CSNK1G2: variants seen among roughly 807,000 people sequenced by gnomAD.
CSNK1G2 encodes casein kinase I isoform gamma-2.
Under a neutral mutation model 48.0 loss-of-function variants are expected in CSNK1G2, and 11 were observed. The ratio of observed to expected loss-of-function variants is 0.23; its 90% CI spans 0.14 to 0.38. The LOEUF is 0.38. Among genes scored for constraint, CSNK1G2 ranks in the 10% least tolerant of loss-of-function variants. The probability of loss-of-function intolerance (pLI) is 1.00; values close to 1 mark genes in which losing one functional copy is unlikely to be tolerated. For synonymous variants in CSNK1G2, 337 were observed against 254.1 expected (o/e 1.33, Z -3.10); for missense variants, 446 against 595.5 (o/e 0.75, Z 2.61).
intron 1 of CSNK1G2, among the ~76,000 whole-genome samples, chr19:1,951,607 G>A (rs2145508843): frequency 6.9e-6 from 1 of 145,086 alleles, no homozygotes; most frequent in Non-Finnish European, 1.5e-5. Flanking sequence ...GATGGGGGAT[G>A]CTTGGGTGCC....
chr19:1,963,880 G>T (rs1355370644), intron 1 of CSNK1G2, among the ~76,000 whole-genome samples: 1 of 146,706 alleles, frequency 6.8e-6, no homozygotes, highest in African/African-American at 2.5e-5. Flanking sequence ...GCAATGGCAC[G>T]ATCTTGGCTC....
chr19:1,941,889 A>G (rs933018464), intron 1 of CSNK1G2, among the ~76,000 whole-genome samples: 1 of 148,770 alleles, frequency 6.7e-6, no homozygotes, highest in African/African-American at 2.5e-5. Context: ...CCAGTGCTCA[A>G]GCCCACCGCC....
rs1035375771 is a variant in CSNK1G2, at chr19:1,950,783, C to T, written c.-266+9365C>T. Among the ~76,000 whole-genome samples, 20 of 146,292 alleles carry T rather than the reference C, an allele frequency of 1.4e-4. 3 individuals carry two copies. Among genetic ancestry groups the T allele is most frequent in the African/African-American group, 5.0e-4 (19 of 38,322 alleles). The stretch of plus-strand genomic sequence containing the variant: ...AGCCAGTGTCAGGTGGGGACCTGGC[C>T]GCTGGAAGGGAGGTGTCACCTGCTC... On this transcript the variant is annotated intron_variant, in intron 1 of 11. Transcript: ENST00000255641.
At chr19:1,953,427 T>C (rs574278658) in intron 1 of CSNK1G2, 3 of 534,610 alleles carry the variant, frequency 5.6e-6, no homozygotes, top group East Asian at 1.1e-4. Flanking sequence ...ATGGATTTGA[T>C]GCAGATGTGT....
chr19:1,960,439 C>T (rs955346532), intron 1 of CSNK1G2, among the ~76,000 whole-genome samples: 1 of 152,198 alleles, frequency 6.6e-6, no homozygotes, highest in Non-Finnish European at 1.5e-5. Context: ...TGGCCTCAGG[C>T]GGGGCCTCTG....
chr19:1,948,204 G>T (rs1236502566), intron 1 of CSNK1G2, among the ~76,000 whole-genome samples: 1 of 152,208 alleles, frequency 6.6e-6, no homozygotes, highest in East Asian at 1.9e-4. Context: ...GTGCTGGCCA[G>T]AGCCGGGCTC....
At chr19:1,961,884 C>G (rs1027650680) in intron 1 of CSNK1G2, among the ~76,000 whole-genome samples, 4 of 152,202 alleles carry the variant, frequency 2.6e-5, no homozygotes. Flanking sequence ...GACTGCCATC[C>G]CTTCTTCAAC....
chr19:1,946,604 TTTA>T (rs201003967), intron 1 of CSNK1G2, among the ~76,000 whole-genome samples: 28 of 139,832 alleles, frequency 2.0e-4, no homozygotes, highest in African/African-American at 4.0e-4. Flanking sequence ...TATTTATTTA[TTTA>T]TTATTATTAT....
chr19:1,979,459 A>ACCCCCT, intron 8 of CSNK1G2, 36 bp from the exon 9 acceptor site: 1 of 405,242 alleles, frequency 2.5e-6, no homozygotes, highest in Non-Finnish European at 3.6e-6. Context: ...CCCCACCCCC[A>ACCCCCT]CCCCCGCCGA....
intron 1 of CSNK1G2, among the ~76,000 whole-genome samples, chr19:1,960,589 T>C (rs1376093010): frequency 6.6e-6 from 1 of 152,202 alleles, no homozygotes; most frequent in Non-Finnish European, 1.5e-5. Flanking sequence ...TCTTGTGGGC[T>C]GGAAAATCTA....
At position 1,978,158 on chromosome 19, in the gene CSNK1G2, G is replaced by A; in HGVS notation, c.188-147G>A. ...CATGGTGCAGTGCTCTGGCAGGCTG[G>A]GCCCAGGCCCTGCTGCTGGGCAGTG... On this transcript the variant is annotated intron_variant, in intron 2 of 11. Transcript: ENST00000255641. This position sits in a 1 kb window ranked among gnomAD's most constrained non-coding sequence, Gnocchi z 7.3. 2 of 810,054 alleles carry A rather than the reference G, an allele frequency of 2.5e-6. No homozygotes were observed. Among genetic ancestry groups the A allele is most frequent in the Non-Finnish European group, 4.2e-6 (2 of 481,304 alleles). The allele number at this position is 810,054 out of a possible 1,614,324, so 50.2% of individuals were successfully genotyped here.
chr19:1,959,002 GCTTCCCA>G (rs2015101653), intron 1 of CSNK1G2, among the ~76,000 whole-genome samples: 1 of 144,076 alleles, frequency 6.9e-6, no homozygotes, highest in Non-Finnish European at 1.5e-5. Flanking sequence ...TCCCCATGTG[GCTTCCCA>G]GTCTGCATCT....
At chr19:1,944,351 A>G (rs942691072) in intron 1 of CSNK1G2, among the ~76,000 whole-genome samples, 1 of 151,860 alleles carries the variant, frequency 6.6e-6, no homozygotes, top group Non-Finnish European at 1.5e-5. Context: ...CTTCTTCCTC[A>G]TTCTGGAGTT....
rs553401543 is a variant in CSNK1G2, at chr19:1,971,019, G to A, written c.187+1060G>A. On this transcript the variant is annotated intron_variant, in intron 2 of 11. Coordinates refer to ENST00000255641, the MANE Select transcript of CSNK1G2 (RefSeq NM_001319.7). ...GCCCAGGGGCGCAGGAGCATGGGCT[G>A]TGGCGGCCTGGACCCCAGGCATGTT... 2.6e-3 allele frequency among the ~76,000 whole-genome samples: 395 copies of A among 152,336 alleles called. 1 individual carries two copies. Among genetic ancestry groups the A allele is most frequent in the African/African-American group, 9.0e-3 (374 of 41,580 alleles).
Position 1,978,461 on chromosome 19 carries a change from C to A in CSNK1G2, c.248C>A (p.Ala83Asp). The A allele has an allele frequency of 6.2e-7, 1 of 1,607,426 alleles. No homozygotes were observed. The highest frequency in any genetic ancestry group is 8.5e-7 in the Non-Finnish European group (1 of 1,177,594). The change falls in exon 4 of 12, where the codon GCC becomes GAC. Residue 83 changes from alanine to aspartate, a missense_variant. By Grantham distance (126) the Ala-to-Asp change is moderately radical. Coordinates refer to ENST00000255641, the MANE Select transcript of CSNK1G2 (RefSeq NM_001319.7). This position sits in a 1 kb window ranked among gnomAD's most constrained non-coding sequence, Gnocchi z 7.3. Reference protein sequence around the residue: ...AIKLEPIKSRAPQLHLEYRFY... With the variant: ...AIKLEPIKSRDPQLHLEYRFY... ...CCCCAGGAGCCGATCAAGTCCCGGG[C>A]CCCGCAGCTGCACCTGGAGTACCGG...
At chr19:1,966,600 C>T (rs1273337069) in intron 1 of CSNK1G2, among the ~76,000 whole-genome samples, 7 of 152,132 alleles carry the variant, frequency 4.6e-5, no homozygotes, top group African/African-American at 7.2e-5. Context: ...TTGAGAGGAC[C>T]GACTGCAGTT....
intron 1 of CSNK1G2, among the ~76,000 whole-genome samples, chr19:1,956,029 A>G (rs2014986318): frequency 6.6e-6 from 1 of 152,110 alleles, no homozygotes. Flanking sequence ...CCTTCACCCC[A>G]GCTCCCGACA....
At position 1,965,682 on chromosome 19, in the gene CSNK1G2, C is replaced by T. The variant is rs538481443; in HGVS notation, c.-265-3826C>T. 2.6e-5 allele frequency among the ~76,000 whole-genome samples: 4 copies of T among 151,930 alleles called. No homozygotes were observed. In the East Asian group the frequency reaches 7.8e-4, roughly 30 times the overall value. On this transcript the variant is annotated intron_variant, in intron 1 of 11. Coordinates refer to ENST00000255641, the MANE Select transcript of CSNK1G2 (RefSeq NM_001319.7). ...TGCCCAGCTAATTTTTATATTTTTT[C>T]ATAGGGGGTTTCACCATGTTCCTCA...
chr19:1,967,581 G>A (rs1219711043), intron 1 of CSNK1G2, among the ~76,000 whole-genome samples: 1 of 152,116 alleles, frequency 6.6e-6, no homozygotes, highest in Non-Finnish European at 1.5e-5. Flanking sequence ...CCTGGCTTGA[G>A]GGCGACGAGG....
Sources: gnomAD v4.1 joint callset for allele counts (sites outside exome capture counted in the v4.1 genomes callset) on GRCh38, gnomAD v4.1.1 for gene constraint, Gnocchi (gnomAD v3.1) non-coding constraint, MANE v1.5 for transcripts, NCBI Gene and HGNC (gene_info 2026-07-23, HGNC 2026-07-21) for gene names.